Variants in ZBTB7C observed in about 807,000 individuals in gnomAD.
The protein encoded by ZBTB7C is zinc finger and BTB domain containing 7C, also known as zinc finger and BTB domain-containing protein 7C.
ZBTB7C carries 8 observed loss-of-function variants against 25.7 expected under a neutral mutation model. That is an observed-to-expected ratio of 0.31 (90% confidence interval 0.18 to 0.56). The LOEUF (loss-of-function observed/expected upper bound fraction) is 0.56, where lower values mean the gene tolerates loss of function less well. Among genes scored for constraint, ZBTB7C ranks in the 20% least tolerant of loss-of-function variants. The pLI, the probability that ZBTB7C is intolerant of heterozygous loss-of-function variation, is 0.91. For synonymous variants in ZBTB7C, 394 were observed against 369.0 expected, an observed-to-expected ratio of 1.07 and a Z score of -0.78; for missense variants, 824 against 855.2, an observed-to-expected ratio of 0.96 and a Z score of 0.46.
chr18:48,165,034 C>A, intron 3 of ZBTB7C: 1 of 1,223,922 alleles, frequency 8.2e-7, no homozygotes, highest in Non-Finnish European at 1.0e-6. Flanking sequence ...CAATTCTATA[C>A]ATCCTGTTGC....
chr18:48,075,687 T>C (rs2037736567), intron 3 of ZBTB7C, among the ~76,000 whole-genome samples: 1 of 152,136 alleles, frequency 6.6e-6, no homozygotes, highest in Admixed American at 6.5e-5. Flanking sequence ...GGTGACTCCT[T>C]TCTACCTTTC....
chr18:48,386,346 A>G (rs1335858329), intron 1 of ZBTB7C, among the ~76,000 whole-genome samples: 1 of 152,224 alleles, frequency 6.6e-6, no homozygotes, highest in Non-Finnish European at 1.5e-5. Context: ...TCCACAGGGG[A>G]AGAACATGCA....
chr18:48,084,734 G>A (rs2038126881), intron 3 of ZBTB7C, among the ~76,000 whole-genome samples: 1 of 152,210 alleles, frequency 6.6e-6, no homozygotes, highest in African/African-American at 2.4e-5. Context: ...CTCCTCAGGG[G>A]TTAGCATGGG....
chr18:48,386,427 A>G (rs2047749399), intron 1 of ZBTB7C, among the ~76,000 whole-genome samples: 1 of 152,036 alleles, frequency 6.6e-6, no homozygotes, highest in Non-Finnish European at 1.5e-5. Context: ...TACAGTGCTT[A>G]CCCTAGACAG....
At chr18:48,226,898 T>C (rs2043110890) in intron 2 of ZBTB7C, among the ~76,000 whole-genome samples, 1 of 151,506 alleles carries the variant, frequency 6.6e-6, no homozygotes, top group South Asian at 2.1e-4. Flanking sequence ...CACACAACTG[T>C]AGCCCCAGCT....
chr18:48,158,762 G>A (rs2040913006), intron 3 of ZBTB7C, among the ~76,000 whole-genome samples: 2 of 152,236 alleles, frequency 1.3e-5, no homozygotes, highest in Non-Finnish European at 2.9e-5. Context: ...AGCAGAGGAT[G>A]GCAAGTGAAG....
At chr18:48,208,035 T>G in intron 2 of ZBTB7C, among the ~76,000 whole-genome samples, 1 of 121,510 alleles carries the variant, frequency 8.2e-6, no homozygotes, top group Admixed American at 8.9e-5. Context: ...TAGGGGGGTG[T>G]GTTGGGGGGC....
At chr18:48,066,544 A>G (rs987559464) in intron 3 of ZBTB7C, among the ~76,000 whole-genome samples, 1 of 152,172 alleles carries the variant, frequency 6.6e-6, no homozygotes, top group Non-Finnish European at 1.5e-5. Context: ...AAAATTATAG[A>G]TAACAACGGG....
At chr18:48,157,400 G>A (rs868696740) in intron 3 of ZBTB7C, among the ~76,000 whole-genome samples, 22 of 152,066 alleles carry the variant, frequency 1.4e-4, no homozygotes, top group Admixed American at 2.0e-4. Flanking sequence ...AACTGTGGGC[G>A]GATGAGGAAA....
At chr18:48,296,440 T>C (rs539765402) in intron 2 of ZBTB7C, among the ~76,000 whole-genome samples, 3 of 152,370 alleles carry the variant, frequency 2.0e-5, no homozygotes, top group Non-Finnish European at 4.4e-5. Context: ...CCTCATCTCC[T>C]TTTTTATTTT....
intron 2 of ZBTB7C, among the ~76,000 whole-genome samples, chr18:48,331,725 G>A (rs1350809310): frequency 6.6e-6 from 1 of 152,118 alleles, no homozygotes. Context: ...GTTCTGTACT[G>A]TCACTTTCCC....
chr18:48,257,222 A>G (rs1225841036), intron 2 of ZBTB7C, among the ~76,000 whole-genome samples: 5 of 152,136 alleles, frequency 3.3e-5, no homozygotes, highest in African/African-American at 9.6e-5. Context: ...AGTAGATTTC[A>G]GAGCAAAAAT....
At chr18:48,136,414 C>T (rs1476358573) in intron 3 of ZBTB7C, among the ~76,000 whole-genome samples, 2 of 152,206 alleles carry the variant, frequency 1.3e-5, no homozygotes, top group Non-Finnish European at 2.9e-5. Flanking sequence ...GACAGGGCTC[C>T]CGCCGCGCGC....
chr18:48,133,910 GCAAA>G (rs1039067723), intron 3 of ZBTB7C, among the ~76,000 whole-genome samples: 11 of 152,068 alleles, frequency 7.2e-5, no homozygotes, highest in African/African-American at 2.7e-4. Context: ...CAAGGGCTGA[GCAAA>G]CAAACATCCC....
At chr18:48,136,947 C>CGG in intron 3 of ZBTB7C, 66 of 977,772 alleles carry the variant, frequency 6.8e-5, no homozygotes, top group East Asian at 1.1e-4. Context: ...GGCCCGGCCG[C>CGG]TGGGCTCCCC....
chr18:48,100,572 G>T (rs2038793334), intron 3 of ZBTB7C, among the ~76,000 whole-genome samples: 1 of 152,248 alleles, frequency 6.6e-6, no homozygotes, highest in East Asian at 1.9e-4. Context: ...AAAAGGTGTG[G>T]TCATCATTTA....
chr18:48,286,917 T>C (rs2045073537), intron 2 of ZBTB7C, among the ~76,000 whole-genome samples: 1 of 152,208 alleles, frequency 6.6e-6, no homozygotes, highest in South Asian at 2.1e-4. Context: ...CTGGGCATGG[T>C]GGCGCACACC....
At chr18:48,404,624 G>T (rs1033565856) in intron 1 of ZBTB7C, among the ~76,000 whole-genome samples, 2 of 152,152 alleles carry the variant, frequency 1.3e-5, no homozygotes, top group East Asian at 1.9e-4. Flanking sequence ...TGGGGTTAGC[G>T]GTATGGAGGG....
chr18:48,222,906 G>C (rs575984239), intron 2 of ZBTB7C, among the ~76,000 whole-genome samples: 1 of 152,162 alleles, frequency 6.6e-6, no homozygotes, highest in African/African-American at 2.4e-5. Flanking sequence ...GAGGAGAGGG[G>C]AAGAGGCAGA....
Sources: allele counts gnomAD v4.1 joint callset (sites outside exome capture counted in the v4.1 genomes callset), GRCh38; gene constraint gnomAD v4.1.1; transcripts MANE v1.5; gene names NCBI Gene and HGNC (gene_info 2026-07-23, HGNC 2026-07-21).